WWOX: variants seen among roughly 807,000 people sequenced by gnomAD.
The protein encoded by WWOX is WW domain-containing oxidoreductase.
In WWOX, 69 loss-of-function variants were observed where a neutral mutation model predicts 46.2. The observed-to-expected ratio is 1.49, with a 90% confidence interval of 1.23 to 1.82. WWOX has a LOEUF of 1.82. WWOX is among the 40% of genes most tolerant of loss of function. The pLI, the probability that WWOX is intolerant of heterozygous loss-of-function variation, is 0.00. For missense variants in WWOX, 919 were observed against 542.6 expected, an observed-to-expected ratio of 1.69 and a Z score of -6.89; for synonymous variants, 359 against 202.6, an observed-to-expected ratio of 1.77 and a Z score of -6.56.
intron 8 of WWOX, among the ~76,000 whole-genome samples, chr16:78,491,347 C>A (rs563057290): frequency 6.6e-6 from 1 of 152,330 alleles, no homozygotes; most frequent in Non-Finnish European, 1.5e-5. Flanking sequence ...GTTTTATTCC[C>A]TGTTTAACCT....
intron 5 of WWOX, among the ~76,000 whole-genome samples, chr16:78,205,418 A>G (rs1337826209): frequency 1.3e-5 from 2 of 151,906 alleles, no homozygotes; most frequent in South Asian, 2.1e-4. Context: ...GCATCCATCT[A>G]TCCATCCACA....
At chr16:78,772,034 T>C (rs1204862653) in intron 8 of WWOX, among the ~76,000 whole-genome samples, 20 of 152,204 alleles carry the variant, frequency 1.3e-4, no homozygotes, top group Admixed American at 1.2e-3. Flanking sequence ...ATTGGACCTG[T>C]AATTCTTTTT....
intron 8 of WWOX, among the ~76,000 whole-genome samples, chr16:78,544,626 C>T (rs866287916): frequency 6.6e-6 from 1 of 152,158 alleles, no homozygotes; most frequent in African/African-American, 2.4e-5. Flanking sequence ...TGGCTCACAC[C>T]TCTAATTCCA....
At chr16:78,384,410 T>C (rs1302520752) in intron 5 of WWOX, among the ~76,000 whole-genome samples, 1 of 152,182 alleles carries the variant, frequency 6.6e-6, no homozygotes, top group Admixed American at 6.5e-5. Flanking sequence ...CTGTGGGGTA[T>C]TGAAACATTT....
chr16:78,931,592 C>G (rs2045625534), intron 8 of WWOX, among the ~76,000 whole-genome samples: 2 of 152,130 alleles, frequency 1.3e-5, no homozygotes, highest in Admixed American at 6.5e-5. Flanking sequence ...AACCTATAGT[C>G]TAATAGAGGA....
At chr16:78,686,745 C>T (rs1217702542) in intron 8 of WWOX, among the ~76,000 whole-genome samples, 3 of 152,180 alleles carry the variant, frequency 2.0e-5, no homozygotes, top group Non-Finnish European at 4.4e-5. Flanking sequence ...TAAGCAACTC[C>T]ACCCTGCACT....
At chr16:78,577,215 G>A (rs767814653) in intron 8 of WWOX, among the ~76,000 whole-genome samples, 3 of 152,178 alleles carry the variant, frequency 2.0e-5, no homozygotes, top group Non-Finnish European at 2.9e-5. Context: ...GCTTCAGAAG[G>A]GAAATTGTAT....
intron 8 of WWOX, among the ~76,000 whole-genome samples, chr16:78,676,188 C>G (rs777356982): frequency 6.6e-6 from 1 of 151,736 alleles, no homozygotes; most frequent in African/African-American, 2.4e-5. Context: ...AGCTTGCTGT[C>G]TTGTTCTATT....
chr16:78,521,818 C>T (rs1242251451), intron 8 of WWOX, among the ~76,000 whole-genome samples: 2 of 151,276 alleles, frequency 1.3e-5, no homozygotes, highest in East Asian at 3.9e-4. Context: ...CATGTGAAAA[C>T]ACAGTTGACC....
intron 8 of WWOX, among the ~76,000 whole-genome samples, chr16:78,888,159 A>G (rs1371422280): frequency 1.3e-5 from 2 of 152,128 alleles, no homozygotes; most frequent in Non-Finnish European, 2.9e-5. Context: ...GCTCCTTTTA[A>G]AAGGTGAGCT....
chr16:78,517,417 A>G (rs2043258485), intron 8 of WWOX, among the ~76,000 whole-genome samples: 1 of 151,894 alleles, frequency 6.6e-6, no homozygotes, highest in Non-Finnish European at 1.5e-5. Context: ...CAGAACTGAA[A>G]TTATTTCCAG....
At chr16:78,685,230 C>G (rs527728854) in intron 8 of WWOX, among the ~76,000 whole-genome samples, 2 of 152,134 alleles carry the variant, frequency 1.3e-5, no homozygotes, top group Non-Finnish European at 2.9e-5. Context: ...GGAGTATTCC[C>G]TAATGGTAGA....
At chr16:78,664,909 T>C (rs1034535454) in intron 8 of WWOX, among the ~76,000 whole-genome samples, 4 of 152,230 alleles carry the variant, frequency 2.6e-5, no homozygotes, top group Non-Finnish European at 5.9e-5. Flanking sequence ...ACAATGTGAC[T>C]GGAATTGGCT....
At chr16:78,552,265 T>G (rs532869225) in intron 8 of WWOX, 5 of 152,312 alleles carry the variant, frequency 3.3e-5, no homozygotes, top group African/African-American at 9.6e-5. Flanking sequence ...CCGTAAACTG[T>G]CATCTGATTT....
chr16:78,681,301 A>C (rs1031715961), intron 8 of WWOX, among the ~76,000 whole-genome samples: 2 of 152,116 alleles, frequency 1.3e-5, no homozygotes, highest in Non-Finnish European at 2.9e-5. Context: ...GCTACTTGGG[A>C]GGCTGAGGTG....
intron 8 of WWOX, among the ~76,000 whole-genome samples, chr16:78,826,486 T>C (rs559460329): frequency 6.6e-6 from 1 of 152,338 alleles, no homozygotes; most frequent in South Asian, 2.1e-4. Context: ...CTGCTCGTGA[T>C]TGTGGGCTGT....
chr16:78,964,876 C>A (rs1184242364), intron 8 of WWOX, among the ~76,000 whole-genome samples: 1 of 152,194 alleles, frequency 6.6e-6, no homozygotes, highest in Non-Finnish European at 1.5e-5. Context: ...TGAAAGGGGC[C>A]AAGGTATAGC....
rs553971913 is a variant in WWOX, at chr16:78,530,742, C to G, written c.1056+97990C>G. On this transcript the variant is annotated intron_variant, in intron 8 of 8. Coordinates refer to ENST00000566780, the MANE Select transcript of WWOX (RefSeq NM_016373.4). The stretch of plus-strand genomic sequence containing the variant: ...CCCAGAATTTCCCTGCCTCCTGTCC[C>G]TATCATTGATACCTGCAATTCTTTG... 2.2e-4 allele frequency among the ~76,000 whole-genome samples: 33 copies of G among 152,308 alleles called. 1 individual carries two copies. The South Asian group carries it at 5.6e-3, about 26-fold the overall frequency.
At chr16:78,621,167 C>T (rs758953904) in intron 8 of WWOX, among the ~76,000 whole-genome samples, 2 of 152,148 alleles carry the variant, frequency 1.3e-5, no homozygotes, top group Non-Finnish European at 2.9e-5. Context: ...TTTTAACTCA[C>T]ACCTGTGAAA....
Sources: allele counts gnomAD v4.1 joint callset (sites outside exome capture counted in the v4.1 genomes callset), GRCh38; gene constraint gnomAD v4.1.1; transcripts MANE v1.5; gene names NCBI Gene and HGNC (gene_info 2026-07-23, HGNC 2026-07-21).